CTNNBL1: variants seen among roughly 807,000 people sequenced by gnomAD.
The protein encoded by CTNNBL1 is catenin beta like 1.
In CTNNBL1, 31 loss-of-function variants were observed where a neutral mutation model predicts 72.7. That is an observed-to-expected ratio of 0.43 (90% CI 0.32 to 0.58). CTNNBL1 has a LOEUF of 0.58. Among genes scored for constraint, CTNNBL1 ranks in the 20% least tolerant of loss-of-function variants. The pLI is 0.08. For missense variants in CTNNBL1, 534 were observed against 725.1 expected, an observed-to-expected ratio of 0.74 and a Z score of 3.03; for synonymous variants, 240 against 267.3, an observed-to-expected ratio of 0.90 and a Z score of 1.00.
At chr20:37,822,287 T>C (rs1175348184) in intron 11 of CTNNBL1, among the ~76,000 whole-genome samples, 1 of 149,832 alleles carries the variant, frequency 6.7e-6, no homozygotes, top group Admixed American at 6.6e-5. Context: ...AGGGGAGTTA[T>C]GGAATACTGC....
At chr20:37,784,003 T>A (rs994460776) in intron 10 of CTNNBL1, among the ~76,000 whole-genome samples, 6 of 152,290 alleles carry the variant, frequency 3.9e-5, no homozygotes, top group Admixed American at 6.5e-5. Context: ...GCTCTAATAA[T>A]ATTTGCTTTA....
At chr20:37,720,999 G>A (rs1406290784) in intron 1 of CTNNBL1, among the ~76,000 whole-genome samples, 2 of 152,212 alleles carry the variant, frequency 1.3e-5, no homozygotes, top group East Asian at 3.8e-4. Flanking sequence ...TGACATTTGA[G>A]TGGGGGCTTA....
chr20:37,842,324 A>G lies in CTNNBL1; in HGVS notation c.1312-15A>G. 6.3e-7 allele frequency: 1 copy of G among 1,589,758 alleles called. No homozygotes were observed. Among genetic ancestry groups the G allele is most frequent in the Non-Finnish European group, 8.6e-7 (1 of 1,157,744 alleles). On this transcript the variant is annotated splice_polypyrimidine_tract_variant and intron_variant, in intron 12 of 15. Coordinates refer to ENST00000361383, the MANE Select transcript of CTNNBL1 (RefSeq NM_030877.5). ...TCTTTCCTTCTCACTCAAGCCTGTG[A>G]AATCTCTCTTTCAGGTTGACAGACT...
chr20:37,809,122 A>G, intron 11 of CTNNBL1, among the ~76,000 whole-genome samples: 1 of 152,260 alleles, frequency 6.6e-6, no homozygotes, highest in East Asian at 1.9e-4. Context: ...CCAAGGTAGG[A>G]GAGACTCCCA....
At chr20:37,726,732 T>C (rs576212739) in intron 1 of CTNNBL1, among the ~76,000 whole-genome samples, 62 of 152,358 alleles carry the variant, frequency 4.1e-4, no homozygotes, top group Non-Finnish European at 2.9e-5. Context: ...TGGACATCTT[T>C]TTTCATAAAA....
chr20:37,819,286 G>A (rs996787539), intron 11 of CTNNBL1, among the ~76,000 whole-genome samples: 1 of 152,106 alleles, frequency 6.6e-6, no homozygotes, highest in Non-Finnish European at 1.5e-5. Context: ...TATGTACAGT[G>A]GTGACCCATC....
At chr20:37,696,477 C>G (rs2072793037) in intron 1 of CTNNBL1, among the ~76,000 whole-genome samples, 1 of 108,676 alleles carries the variant, frequency 9.2e-6, no homozygotes, top group African/African-American at 3.6e-5. Flanking sequence ...GAGTTTCACT[C>G]TTGTTGCCCA....
chr20:37,700,188 C>G (rs1407779250), intron 1 of CTNNBL1, among the ~76,000 whole-genome samples: 1 of 152,100 alleles, frequency 6.6e-6, no homozygotes, highest in South Asian at 2.1e-4. Context: ...CTTTCCCTTT[C>G]TATACATCAT....
chr20:37,772,178 A>T (rs2073531061), intron 7 of CTNNBL1, among the ~76,000 whole-genome samples: 1 of 152,166 alleles, frequency 6.6e-6, no homozygotes, highest in South Asian at 2.1e-4. Flanking sequence ...AATTACAAGG[A>T]CCATGTCTCT....
In CTNNBL1 at chr20:37,828,396, T is replaced by A. The variant is rs569414823; in HGVS notation, c.1214-11706T>A. Among the ~76,000 whole-genome samples, 329 of 152,306 alleles carry A rather than the reference T, an allele frequency of 2.2e-3. 3 individuals are homozygous for A. The highest frequency in any genetic ancestry group is 6.9e-3 in the African/African-American group (286 of 41,558). On this transcript the variant is annotated intron_variant, in intron 11 of 15. Coordinates refer to ENST00000361383, the MANE Select transcript of CTNNBL1 (RefSeq NM_030877.5). Reference sequence around the variant, plus strand: ...CTAGTGAGGTTGAATGCTTTTTTTTTTAAAAATATGCCTATTGGGTATATT... The same window carrying A: ...CTAGTGAGGTTGAATGCTTTTTTTTATAAAAATATGCCTATTGGGTATATT...
chr20:37,844,090 G>A (rs1229480430), intron 13 of CTNNBL1, among the ~76,000 whole-genome samples: 1 of 152,122 alleles, frequency 6.6e-6, no homozygotes, highest in East Asian at 1.9e-4. Context: ...TGGGAATAAT[G>A]TACTCCTTCT....
At chr20:37,847,675 A>G (rs1447142714) in intron 13 of CTNNBL1, among the ~76,000 whole-genome samples, 1 of 152,204 alleles carries the variant, frequency 6.6e-6, no homozygotes, top group Non-Finnish European at 1.5e-5. Context: ...TATAGGTACT[A>G]GCAGGAATTT....
chr20:37,787,240 T>C (rs527926507), intron 10 of CTNNBL1, among the ~76,000 whole-genome samples: 1 of 152,062 alleles, frequency 6.6e-6, no homozygotes, highest in South Asian at 2.1e-4. Context: ...GATATGATGA[T>C]CCTTCCAAGT....
At chr20:37,740,718 A>G (rs1289299475) in intron 3 of CTNNBL1, among the ~76,000 whole-genome samples, 2 of 152,270 alleles carry the variant, frequency 1.3e-5, no homozygotes, top group Non-Finnish European at 2.9e-5. Flanking sequence ...TTCATTAGCC[A>G]TCAGGGCAGT....
At chr20:37,848,279 C>T (rs893338667) in intron 13 of CTNNBL1, among the ~76,000 whole-genome samples, 1 of 151,828 alleles carries the variant, frequency 6.6e-6, no homozygotes, top group African/African-American at 2.4e-5. Context: ...CCCAGCCTCC[C>T]GAGTAGCTGA....
chr20:37,694,351 C>T (rs1395342983), intron 1 of CTNNBL1, among the ~76,000 whole-genome samples, 199 bp downstream of exon 1: 1 of 152,214 alleles, frequency 6.6e-6, no homozygotes, highest in Non-Finnish European at 1.5e-5. Context: ...TTCTCAAGAC[C>T]TGAGCCCTTC....
chr20:37,771,424 AT>A (rs2073522601), intron 7 of CTNNBL1, among the ~76,000 whole-genome samples: 1 of 152,194 alleles, frequency 6.6e-6, no homozygotes, highest in Admixed American at 6.5e-5. Context: ...CATTTTCACT[AT>A]GCTATTACCC....
At chr20:37,718,612 G>A (rs1435892874) in intron 1 of CTNNBL1, among the ~76,000 whole-genome samples, 15 of 151,504 alleles carry the variant, frequency 9.9e-5, no homozygotes, top group African/African-American at 2.9e-4. Context: ...CCTCCCTCCC[G>A]GACGGGGCGG....
rs375514177 is a variant in CTNNBL1, at chr20:37,841,568, A to T, written c.1312-771A>T. Among the ~76,000 whole-genome samples, 21 of 152,300 alleles carry T rather than the reference A, an allele frequency of 1.4e-4. No homozygotes were observed. The South Asian group carries it at 4.1e-3, about 30-fold the overall frequency. The stretch of plus-strand genomic sequence containing the variant: ...TTGCAGGAACATCACCTATTAAGCA[A>T]TCAGTATCAGCACCTGGGTAAATGA... On this transcript the variant is annotated intron_variant, in intron 12 of 15. Transcript: ENST00000361383.
Sources: allele counts gnomAD v4.1 joint callset (sites outside exome capture counted in the v4.1 genomes callset), GRCh38; gene constraint gnomAD v4.1.1; transcripts MANE v1.5; gene names NCBI Gene and HGNC (gene_info 2026-07-23, HGNC 2026-07-21).